Variants in ARHGAP39 observed in about 807,000 individuals in gnomAD.
The protein encoded by ARHGAP39 is rho GTPase-activating protein 39.
In ARHGAP39, 44 loss-of-function variants were observed where a neutral mutation model predicts 106.9. That is an observed-to-expected ratio of 0.41 (90% confidence interval 0.32 to 0.53). ARHGAP39 has a LOEUF of 0.53. Among genes scored for constraint, ARHGAP39 ranks in the 20% least tolerant of loss-of-function variants. The pLI is 0.21. For synonymous variants in ARHGAP39, 768 were observed against 693.2 expected (o/e 1.11, Z -1.69); for missense variants, 1,496 against 1,577.3 (o/e 0.95, Z 0.87).
intron 4 of ARHGAP39, among the ~76,000 whole-genome samples, chr8:144,553,741 G>T (rs1437724998): frequency 6.6e-6 from 1 of 152,252 alleles, no homozygotes; most frequent in African/African-American, 2.4e-5. Flanking sequence ...AAGGAGGCCA[G>T]GCTGCCATCA....
intron 1 of ARHGAP39, among the ~76,000 whole-genome samples, chr8:144,633,443 G>A (rs1261970523): frequency 6.6e-6 from 1 of 152,120 alleles, no homozygotes; most frequent in Admixed American, 6.6e-5. Context: ...TGGTGACAGA[G>A]TGAGACTCCG....
chr8:144,636,159 G>A (rs1326509272), intron 1 of ARHGAP39, among the ~76,000 whole-genome samples: 1 of 152,214 alleles, frequency 6.6e-6, no homozygotes, highest in Non-Finnish European at 1.5e-5. Context: ...CGACTTAGAG[G>A]ACACCCAGCT....
chr8:144,558,283 G>A (rs953569696), intron 3 of ARHGAP39, among the ~76,000 whole-genome samples: 4 of 152,108 alleles, frequency 2.6e-5, no homozygotes, highest in Non-Finnish European at 4.4e-5. Flanking sequence ...TATGTTTAAT[G>A]TCTTTTTTTT....
chr8:144,549,200 A>G (rs1817602429), intron 4 of ARHGAP39, among the ~76,000 whole-genome samples: 1 of 152,242 alleles, frequency 6.6e-6, no homozygotes, highest in Non-Finnish European at 1.5e-5. Context: ...ATGCAGACGC[A>G]ATGCCCACAC....
chr8:144,577,566 T>C (rs1257031476), intron 3 of ARHGAP39, among the ~76,000 whole-genome samples: 2 of 152,120 alleles, frequency 1.3e-5, no homozygotes, highest in African/African-American at 4.8e-5. Flanking sequence ...GGCATCCAAA[T>C]TGGAAAGGAA....
At chr8:144,534,262 G>C (rs953419592) in intron 7 of ARHGAP39, 60 bp from the exon 8 acceptor site, 19 of 1,587,870 alleles carry the variant, frequency 1.2e-5, no homozygotes, top group Admixed American at 3.3e-5. Context: ...GGCCAGGAGA[G>C]GGGTGAGCAG....
intron 7 of ARHGAP39, 33 bp downstream of exon 7, chr8:144,537,688 G>A (rs762230889): frequency 4.4e-6 from 7 of 1,578,710 alleles, no homozygotes; most frequent in South Asian, 4.4e-5. Flanking sequence ...CTGTGCAGAC[G>A]CCGCGCCCAG....
At chr8:144,588,227 C>T (rs1211479913) in intron 2 of ARHGAP39, among the ~76,000 whole-genome samples, 2 of 152,214 alleles carry the variant, frequency 1.3e-5, no homozygotes, top group Non-Finnish European at 2.9e-5. Context: ...CCCAGCAAGA[C>T]AGAGCAGGGC....
intron 1 of ARHGAP39, among the ~76,000 whole-genome samples, chr8:144,615,537 C>G (rs756592495): frequency 1.3e-5 from 2 of 152,234 alleles, no homozygotes; most frequent in African/African-American, 4.8e-5. Flanking sequence ...TGCTTCCCGT[C>G]TGGCCGACAC....
rs1822530325 is a variant in ARHGAP39 at position 144,684,667 on chromosome 8, C to G, written c.-82+1019G>C. On this transcript the variant is annotated intron_variant, in intron 1 of 11. Transcript: ENST00000377307. This position sits in a 1 kb window ranked among gnomAD's most constrained non-coding sequence, Gnocchi z 4.4. ...AAAACGTCCTGGGCCCCAAAATGCA[C>G]AGCCCGCCTCTCTCGCCGCCCTGGG... is the stretch of plus-strand genomic sequence containing the variant. Among the ~76,000 whole-genome samples the G allele has an allele frequency of 6.6e-6, 1 of 152,224 alleles. No individual in the cohort carries two copies. The highest frequency in any genetic ancestry group is 6.5e-5 in the Admixed American group (1 of 15,288).
chr8:144,621,303 C>T (rs1820801620), intron 1 of ARHGAP39, among the ~76,000 whole-genome samples: 1 of 152,282 alleles, frequency 6.6e-6, no homozygotes, highest in African/African-American at 2.4e-5. Context: ...CAGAAACCGC[C>T]CACTTCCCAA....
chr8:144,598,981 A>G (rs997132918), intron 2 of ARHGAP39, among the ~76,000 whole-genome samples: 1 of 152,254 alleles, frequency 6.6e-6, no homozygotes, highest in Non-Finnish European at 1.5e-5. Flanking sequence ...GAACAGTAAT[A>G]CACGGAGGGT....
chr8:144,532,444 C>A (rs774841380), intron 9 of ARHGAP39, 48 bp from the exon 10 acceptor site: 44 of 1,533,278 alleles, frequency 2.9e-5, no homozygotes, highest in Non-Finnish European at 3.9e-5. Flanking sequence ...TGTGCTGCGG[C>A]TTCATGATTC....
intron 2 of ARHGAP39, among the ~76,000 whole-genome samples, chr8:144,600,862 TGGAAGC>T (rs1187796522): frequency 3.4e-5 from 5 of 148,512 alleles, no homozygotes. Context: ...TGTGTGTGCA[TGGAAGC>T]GTGCGTGCGT....
At chr8:144,589,869 G>A (rs1819326024) in intron 2 of ARHGAP39, among the ~76,000 whole-genome samples, 1 of 152,240 alleles carries the variant, frequency 6.6e-6, no homozygotes. Context: ...TAGGACAAGG[G>A]CTGTGGGCTG....
At chr8:144,564,198 T>C (rs150223542) in intron 3 of ARHGAP39, among the ~76,000 whole-genome samples, 1 of 152,360 alleles carries the variant, frequency 6.6e-6, no homozygotes, top group African/African-American at 2.4e-5. Flanking sequence ...AGATGAAGCA[T>C]GTAAAATGTC....
At chr8:144,682,508 C>T (rs544703036) in intron 1 of ARHGAP39, among the ~76,000 whole-genome samples, 1 of 147,350 alleles carries the variant, frequency 6.8e-6, no homozygotes, top group Admixed American at 6.8e-5. Flanking sequence ...GAGATCACGC[C>T]ACTGCACTCC....
At chr8:144,540,626 C>T (rs2130829429) in intron 6 of ARHGAP39, among the ~76,000 whole-genome samples, 1 of 152,122 alleles carries the variant, frequency 6.6e-6, no homozygotes, top group Middle Eastern at 3.4e-3. Context: ...CATGGTGAAA[C>T]CCTGTCTCTA....
At chr8:144,556,590 G>C (rs542211887) in intron 3 of ARHGAP39, among the ~76,000 whole-genome samples, 82 of 151,172 alleles carry the variant, frequency 5.4e-4, no homozygotes, top group Middle Eastern at 3.5e-3. Flanking sequence ...AACCTTCATA[G>C]TATTCAGAGG....
Sources: gnomAD v4.1 joint callset for allele counts (sites outside exome capture counted in the v4.1 genomes callset) on GRCh38, gnomAD v4.1.1 for gene constraint, Gnocchi (gnomAD v3.1) non-coding constraint, MANE v1.5 for transcripts, NCBI Gene and HGNC (gene_info 2026-07-23, HGNC 2026-07-21) for gene names.